The following CORO2B variants were observed in gnomAD, a reference collection of about 807,000 sequenced individuals.
CORO2B encodes coronin 2B.
A neutral mutation model predicts 58.8 loss-of-function variants in CORO2B; 26 were observed. The ratio of observed to expected loss-of-function variants is 0.44; its 90% confidence interval spans 0.32 to 0.61. CORO2B has a LOEUF of 0.61. Ranked by LOEUF, CORO2B falls within the 20% of genes least tolerant of loss-of-function variation. The pLI is 0.04. For synonymous variants in CORO2B, 242 were observed against 253.8 expected, an observed-to-expected ratio of 0.95 and a Z score of 0.44; for missense variants, 460 against 645.1, an observed-to-expected ratio of 0.71 and a Z score of 3.11.
At chr15:68,594,743 C>T (rs547110282) in intron 1 of CORO2B, among the ~76,000 whole-genome samples, 21 of 152,308 alleles carry the variant, frequency 1.4e-4, no homozygotes, top group African/African-American at 4.8e-4. Context: ...GAGACAGAGC[C>T]TGTGTGCTTG....
the CORO2B span, among the ~76,000 whole-genome samples, chr15:68,567,569 G>A: frequency 6.6e-6 from 1 of 152,210 alleles, no homozygotes; most frequent in East Asian, 1.9e-4. Flanking sequence ...CCCTCCCAGA[G>A]GAATGTATAG....
At chr15:68,685,434 A>T (rs1197634137) in intron 2 of CORO2B, among the ~76,000 whole-genome samples, 2 of 152,068 alleles carry the variant, frequency 1.3e-5, no homozygotes, top group Non-Finnish European at 2.9e-5. Context: ...CTGGTCTCAC[A>T]CTCCTGAGGT....
chr15:68,660,397 C>A (rs899700503), intron 2 of CORO2B, among the ~76,000 whole-genome samples: 2 of 151,940 alleles, frequency 1.3e-5, no homozygotes, highest in African/African-American at 4.8e-5. Flanking sequence ...TTTTGGCAGG[C>A]TCTTGCTCTG....
chr15:68,663,762 T>A (rs1051531697), intron 2 of CORO2B, among the ~76,000 whole-genome samples: 1 of 152,182 alleles, frequency 6.6e-6, no homozygotes, highest in Non-Finnish European at 1.5e-5. Context: ...AAGCATTGCA[T>A]GAAAATGGAT....
chr15:68,519,247 G>A, the CORO2B span, among the ~76,000 whole-genome samples: 9 of 152,290 alleles, frequency 5.9e-5, no homozygotes, highest in East Asian at 1.9e-4. Flanking sequence ...TTCAGAAAGC[G>A]TACAAATGCA....
intron 2 of CORO2B, among the ~76,000 whole-genome samples, chr15:68,662,006 C>CA (rs1555414683): frequency 6.6e-6 from 1 of 151,084 alleles, no homozygotes; most frequent in African/African-American, 2.5e-5. Context: ...GACCCTGTCT[C>CA]AATAAATAAA....
chr15:68,616,320 C>G (rs1900356961), intron 1 of CORO2B, among the ~76,000 whole-genome samples: 1 of 152,184 alleles, frequency 6.6e-6, no homozygotes, highest in Admixed American at 6.5e-5. Flanking sequence ...AAATGTATAG[C>G]TTTAAAAAGC....
intron 5 of CORO2B, among the ~76,000 whole-genome samples, chr15:68,712,848 C>T (rs544318477): frequency 6.6e-6 from 1 of 152,188 alleles, no homozygotes; most frequent in South Asian, 2.1e-4. Flanking sequence ...AGGATTCAAA[C>T]CCAGAGCCCA....
In CORO2B at chr15:68,710,810, C is replaced by T. The variant is rs771643596; in HGVS notation, c.412C>T (p.Arg138Trp). Residue 138 changes from arginine to tryptophan, a missense_variant, in exon 4 of 12, where the codon CGG becomes TGG. Physicochemically the swap from Arg to Trp is moderately radical, Grantham distance 101. This residue lies in a region of CORO2B where 352 missense variants were observed against 543.0 expected (regional missense o/e 0.65). Transcript: ENST00000261861. This position sits in a 1 kb window ranked among gnomAD's most constrained non-coding sequence, Gnocchi z 4.1. ...EALLELHGHS[R>W]RVGLVEWHPT... Reference sequence around the variant, plus strand: ...GCTCCTGGAGCTGCACGGGCACAGCCGGCGTGTGGGGCTGGTCGAGTGGCA... The same window carrying T: ...GCTCCTGGAGCTGCACGGGCACAGCTGGCGTGTGGGGCTGGTCGAGTGGCA... The T allele has an allele frequency of 1.2e-5, 19 of 1,612,384 alleles. No individual in the cohort carries two copies. Among genetic ancestry groups the T allele is most frequent in the East Asian group, 2.2e-5 (1 of 44,828 alleles).
the CORO2B span, among the ~76,000 whole-genome samples, chr15:68,527,601 T>C: frequency 6.6e-6 from 1 of 152,348 alleles, no homozygotes; most frequent in South Asian, 2.1e-4. Flanking sequence ...TCAGGTAATA[T>C]AAGTCCTCCA....
At chr15:68,617,780 A>G (rs1220012821) in intron 1 of CORO2B, among the ~76,000 whole-genome samples, 1 of 152,126 alleles carries the variant, frequency 6.6e-6, no homozygotes, top group African/African-American at 2.4e-5. Flanking sequence ...CACTTCTAAC[A>G]ACCTCAACTT....
the CORO2B span, among the ~76,000 whole-genome samples, chr15:68,572,642 G>C: frequency 6.6e-6 from 1 of 152,108 alleles, no homozygotes; most frequent in East Asian, 1.9e-4. Flanking sequence ...CAATCTGCCT[G>C]GTATGGAGCC....
chr15:68,625,608 G>A (rs1900654777), intron 1 of CORO2B, among the ~76,000 whole-genome samples: 2 of 152,048 alleles, frequency 1.3e-5, no homozygotes, highest in African/African-American at 4.8e-5. Flanking sequence ...GTTGTTTCTT[G>A]TTTTGGGTTT....
chr15:68,579,105 T>A lies in CORO2B; in HGVS notation c.-158T>A. ...GCGCCGACGAGCGGTCCCTGCGCGC[T>A]GCCCGCCCGGAGCGCAGCCCCCAGG... On this transcript the variant is annotated 5_prime_UTR_variant, in exon 1 of 12. Transcript: ENST00000261861. The A allele has an allele frequency of 2.0e-6, 2 of 981,952 alleles. No individual in the cohort carries two copies. Among genetic ancestry groups the A allele is most frequent in the Non-Finnish European group, 2.4e-6 (2 of 828,576 alleles). 60.8% of individuals were successfully genotyped at this position (981,952 alleles called of 1,614,324 possible).
At chr15:68,714,380 C>T (rs1228009885) in intron 6 of CORO2B, among the ~76,000 whole-genome samples, 179 bp from the exon 7 acceptor site, 2 of 152,180 alleles carry the variant, frequency 1.3e-5, no homozygotes, top group Non-Finnish European at 2.9e-5. Context: ...TTTCCACTGC[C>T]CCTGGCTGCT....
chr15:68,685,312 G>A (rs138190062), intron 2 of CORO2B, among the ~76,000 whole-genome samples: 59 of 152,202 alleles, frequency 3.9e-4, no homozygotes, highest in African/African-American at 1.3e-3. Context: ...CTGGGTTCAA[G>A]CCATTCTCAT....
chr15:68,692,075 T>A (rs1416962560), intron 2 of CORO2B, among the ~76,000 whole-genome samples: 1 of 152,214 alleles, frequency 6.6e-6, no homozygotes. Flanking sequence ...GGGAGCTGGC[T>A]AACAATGACC....
chr15:68,654,926 G>T (rs569217520), intron 2 of CORO2B, among the ~76,000 whole-genome samples: 1 of 152,324 alleles, frequency 6.6e-6, no homozygotes, highest in South Asian at 2.1e-4. Context: ...GCTACCTCGA[G>T]GGGAAGGTAC....
At chr15:68,576,020 G>A (rs1331604979), upstream of CORO2B, among the ~76,000 whole-genome samples, 1 of 151,508 alleles carries the variant, frequency 6.6e-6, no homozygotes, top group South Asian at 2.1e-4. Context: ...AGGTGGGGTG[G>A]CGGGCACCTG....
Sources: allele counts gnomAD v4.1 joint callset (sites outside exome capture counted in the v4.1 genomes callset), GRCh38; gene constraint gnomAD v4.1.1; regional missense constraint gnomAD v4.1.1; non-coding constraint Gnocchi (gnomAD v3.1); transcripts MANE v1.5; gene names NCBI Gene and HGNC (gene_info 2026-07-23, HGNC 2026-07-21).